Variants in INPP5A observed in about 807,000 individuals in gnomAD.
INPP5A encodes the protein 43 kDa inositol polyphosphate 5-phophatase.
Under a neutral mutation model 65.2 loss-of-function variants are expected in INPP5A, and 14 were observed. That is an observed-to-expected ratio of 0.21 (90% CI 0.14 to 0.34). The LOEUF is 0.34. INPP5A is among the 10% of genes least tolerant of loss of function. The probability of loss-of-function intolerance (pLI) is 1.00; values close to 1 mark genes in which losing one functional copy is unlikely to be tolerated. For synonymous variants in INPP5A, 207 were observed against 208.3 expected, an observed-to-expected ratio of 0.99 and a Z score of 0.05; for missense variants, 431 against 545.6, an observed-to-expected ratio of 0.79 and a Z score of 2.09.
chr10:132,596,860 T>C (rs199918066), intron 1 of INPP5A, among the ~76,000 whole-genome samples: 2 of 80,766 alleles, frequency 2.5e-5, no homozygotes, highest in Non-Finnish European at 6.4e-5. Flanking sequence ...TGTGTGTGCA[T>C]GTGTGTGCAT....
At chr10:132,758,235 C>T (rs113715494) in intron 11 of INPP5A, among the ~76,000 whole-genome samples, 16 of 109,480 alleles carry the variant, frequency 1.5e-4, no homozygotes, top group Middle Eastern at 6.8e-3. Context: ...TCGTGGGTCC[C>T]TGGCTGACCC....
chr10:132,592,565 G>A (rs6560701), intron 1 of INPP5A, among the ~76,000 whole-genome samples: 97,796 of 151,960 alleles, frequency 0.64, 32,148 homozygotes, highest in African/African-American at 0.78. Flanking sequence ...ACAGGCGGGC[G>A]CCACCACACC....
At chr10:132,747,127 A>C (rs767667708) in intron 9 of INPP5A, among the ~76,000 whole-genome samples, 38 of 152,236 alleles carry the variant, frequency 2.5e-4, no homozygotes, top group Admixed American at 4.6e-4. Flanking sequence ...GATGGCTACA[A>C]TGGCCGTCTG....
chr10:132,573,145 G>GGT lies in INPP5A; in HGVS notation c.76-34762_76-34761dup, dbSNP rs1204250439. On this transcript the variant is annotated intron_variant, in intron 1 of 15. Coordinates refer to ENST00000368594, the MANE Select transcript of INPP5A (RefSeq NM_005539.5). Reference sequence around the variant, plus strand: ...GTGTGAGGTTTTGTTGAGATGTTGGGGTGTGTGTGCCGTGTGAGGTTTTGT... The same window carrying GGT: ...GTGTGAGGTTTTGTTGAGATGTTGGGGTGTGTGTGTGCCGTGTGAGGTTTTGT... 3.5e-5 allele frequency among the ~76,000 whole-genome samples: 5 copies of GGT among 141,626 alleles called. No individual in the cohort carries two copies. In the Admixed American group the frequency reaches 3.5e-4, roughly 10 times the overall value. 92.9% of individuals were successfully genotyped at this position (141,626 alleles called of 152,430 possible).
chr10:132,669,942 T>C (rs2072860912), intron 4 of INPP5A, among the ~76,000 whole-genome samples: 1 of 151,702 alleles, frequency 6.6e-6, no homozygotes, highest in Admixed American at 6.6e-5. Context: ...CTCAGGTCTT[T>C]CTTTTGTCCA....
chr10:132,543,174 C>T (rs1394883128), intron 1 of INPP5A, among the ~76,000 whole-genome samples: 2 of 152,126 alleles, frequency 1.3e-5, no homozygotes, highest in East Asian at 1.9e-4. Flanking sequence ...GCAGCTGTCA[C>T]CACAGGCAAT....
intron 8 of INPP5A, among the ~76,000 whole-genome samples, chr10:132,712,945 CGTGTGGGT>C (rs1475333893): frequency 4.1e-5 from 4 of 98,310 alleles, no homozygotes; most frequent in South Asian, 3.4e-4. Flanking sequence ...TGGGTGTGGG[CGTGTGGGT>C]GTGTGGGTGC....
intron 1 of INPP5A, among the ~76,000 whole-genome samples, chr10:132,544,778 C>T (rs2133244370): frequency 6.6e-6 from 1 of 152,302 alleles, no homozygotes; most frequent in South Asian, 2.1e-4. Flanking sequence ...ACGCAGCAGG[C>T]TGTGCTCTTT....
rs1056687864 is a variant in INPP5A at position 132,545,372 on chromosome 10, G to T, written c.75+7201G>T. ...TGACCAGATCGGGGCGGCTGAGGGG[G>T]CTGCCTACGGCAGGAGACGGCAGGT... On this transcript the variant is annotated intron_variant, in intron 1 of 15. Coordinates refer to ENST00000368594, the MANE Select transcript of INPP5A (RefSeq NM_005539.5). The surrounding 1 kb of genome is among the most constrained non-coding windows in gnomAD (Gnocchi z 4.6). Among the ~76,000 whole-genome samples, 1 of 152,200 alleles carries T rather than the reference G, an allele frequency of 6.6e-6. No individual in the cohort carries two copies. The highest frequency in any genetic ancestry group is 1.5e-5 in the Non-Finnish European group (1 of 68,038).
intron 9 of INPP5A, among the ~76,000 whole-genome samples, chr10:132,739,618 G>A (rs1022318968): frequency 4.6e-5 from 7 of 152,220 alleles, no homozygotes; most frequent in African/African-American, 1.7e-4. Flanking sequence ...GCGCTCTCTG[G>A]CCTTTGCTGC....
intron 8 of INPP5A, among the ~76,000 whole-genome samples, chr10:132,717,719 C>G (rs921410111): frequency 6.8e-6 from 1 of 146,338 alleles, no homozygotes; most frequent in African/African-American, 2.6e-5. Flanking sequence ...TGGGTTCTGT[C>G]TGGGCGCCTT....
At position 132,659,143 on chromosome 10, in the gene INPP5A, A is replaced by G. The variant is rs111750691; in HGVS notation, c.306+8638A>G. ...CCACTCCCCACGCCAGTGTTCTCCA[A>G]ACTTCCGGGGAGACCTGTCTGTGCT... On this transcript the variant is annotated intron_variant, in intron 4 of 15. Transcript: ENST00000368594. This position sits in a 1 kb window ranked among gnomAD's most constrained non-coding sequence, Gnocchi z 5.5. 6.6e-6 allele frequency among the ~76,000 whole-genome samples: 1 copy of G among 152,074 alleles called. No individual in the cohort carries two copies. The highest frequency in any genetic ancestry group is 2.4e-5 in the African/African-American group (1 of 41,404).
chr10:132,748,598 T>C (rs1846414193), intron 9 of INPP5A, among the ~76,000 whole-genome samples: 1 of 152,222 alleles, frequency 6.6e-6, no homozygotes, highest in African/African-American at 2.4e-5. Context: ...TGCATTGTAC[T>C]GAGGTTAAGA....
chr10:132,578,079 T>G (rs2071431240), intron 1 of INPP5A, among the ~76,000 whole-genome samples: 1 of 152,266 alleles, frequency 6.6e-6, no homozygotes, highest in African/African-American at 2.4e-5. Context: ...CTGCATTGAA[T>G]GAAGTAAACC....
At chr10:132,588,438 T>G (rs751106058) in intron 1 of INPP5A, among the ~76,000 whole-genome samples, 1 of 152,270 alleles carries the variant, frequency 6.6e-6, no homozygotes, top group Non-Finnish European at 1.5e-5. Flanking sequence ...GAAGGCCCAG[T>G]CGTTACTTCC....
At chr10:132,689,459 C>T (rs1845219080) in intron 4 of INPP5A, among the ~76,000 whole-genome samples, 1 of 152,208 alleles carries the variant, frequency 6.6e-6, no homozygotes, top group Non-Finnish European at 1.5e-5. Flanking sequence ...TTTGTTAAGT[C>T]AGGTTTATAA....
intron 9 of INPP5A, among the ~76,000 whole-genome samples, chr10:132,737,310 C>T (rs1391308346): frequency 6.6e-6 from 1 of 152,176 alleles, no homozygotes; most frequent in East Asian, 1.9e-4. Context: ...AGTGACACTC[C>T]TGTAGAGCCT....
chr10:132,716,641 A>G (rs1213243828), intron 8 of INPP5A, among the ~76,000 whole-genome samples: 2 of 152,154 alleles, frequency 1.3e-5, no homozygotes, highest in Non-Finnish European at 2.9e-5. Context: ...CCCCAGCGTC[A>G]CCACTGGCAT....
At position 132,676,131 on chromosome 10, in the gene INPP5A, A is replaced by G. The variant is rs1484480050; in HGVS notation, c.307-14261A>G. Among the ~76,000 whole-genome samples, 1 of 152,206 alleles carries G rather than the reference A, an allele frequency of 6.6e-6. No individual in the cohort carries two copies. Among genetic ancestry groups the G allele is most frequent in the Non-Finnish European group, 1.5e-5 (1 of 68,036 alleles). On this transcript the variant is annotated intron_variant, in intron 4 of 15. Coordinates refer to ENST00000368594, the MANE Select transcript of INPP5A (RefSeq NM_005539.5). The surrounding 1 kb of genome is among the most constrained non-coding windows in gnomAD (Gnocchi z 4.0). Reference sequence around the variant, plus strand: ...ATTAAAACTAGTTATTTTAAGACTGATATTTTTCTTTGTTCATTATTGAAA... The same window carrying G: ...ATTAAAACTAGTTATTTTAAGACTGGTATTTTTCTTTGTTCATTATTGAAA...
Sources: allele counts gnomAD v4.1 joint callset (sites outside exome capture counted in the v4.1 genomes callset), GRCh38; gene constraint gnomAD v4.1.1; non-coding constraint Gnocchi (gnomAD v3.1); transcripts MANE v1.5; gene names NCBI Gene and HGNC (gene_info 2026-07-23, HGNC 2026-07-21).